Variants in GALNTL6 observed in about 807,000 individuals in gnomAD.
The protein encoded by GALNTL6 is polypeptide N-acetylgalactosaminyltransferase-like 6.
GALNTL6 carries 46 observed loss-of-function variants against 73.7 expected under a neutral mutation model. The observed-to-expected ratio is 0.62, with a 90% CI of 0.49 to 0.80. The LOEUF (loss-of-function observed/expected upper bound fraction) is 0.80, where lower values mean the gene tolerates loss of function less well. Among genes scored for constraint, GALNTL6 ranks in the 30% least tolerant of loss-of-function variants. GALNTL6 has a pLI of 0.00. For synonymous variants in GALNTL6, 259 were observed against 263.7 expected (o/e 0.98, Z 0.17); for missense variants, 604 against 755.0 (o/e 0.80, Z 2.34).
intron 2 of GALNTL6, among the ~76,000 whole-genome samples, chr4:172,130,657 G>T (rs566448258): frequency 4.7e-4 from 71 of 152,064 alleles, no homozygotes; most frequent in African/African-American, 1.5e-3. Context: ...GGTGTAAATT[G>T]TGCCATTTGT....
intron 5 of GALNTL6, among the ~76,000 whole-genome samples, chr4:172,783,019 T>G (rs570061959): frequency 6.6e-6 from 1 of 152,030 alleles, no homozygotes; most frequent in Admixed American, 6.5e-5. Flanking sequence ...TCAGCTAAAG[T>G]GTGTCTTATT....
At chr4:173,003,975 C>G (rs1579768643) in intron 10 of GALNTL6, among the ~76,000 whole-genome samples, 1 of 152,156 alleles carries the variant, frequency 6.6e-6, no homozygotes, top group Admixed American at 6.5e-5. Flanking sequence ...TTTTCTTAGT[C>G]TTTGAATTTC....
At chr4:171,991,898 CTG>C (rs1266764676) in intron 2 of GALNTL6, among the ~76,000 whole-genome samples, 1 of 151,372 alleles carries the variant, frequency 6.6e-6, no homozygotes, top group African/African-American at 2.4e-5. Context: ...CAATAAGTAA[CTG>C]TGTAATTGTC....
chr4:172,616,882 G>T (rs1178825304), intron 5 of GALNTL6, among the ~76,000 whole-genome samples: 1 of 152,016 alleles, frequency 6.6e-6, no homozygotes, highest in Non-Finnish European at 1.5e-5. Flanking sequence ...CACACACCCT[G>T]CCATAAAATC....
chr4:172,817,853 A>C (rs904520801), intron 7 of GALNTL6, among the ~76,000 whole-genome samples: 9 of 152,220 alleles, frequency 5.9e-5, no homozygotes, highest in African/African-American at 2.2e-4. Context: ...TATTGACAGA[A>C]ATGTTTTCCC....
At chr4:171,828,912 G>A (rs139440876) in intron 2 of GALNTL6, among the ~76,000 whole-genome samples, 34 of 152,178 alleles carry the variant, frequency 2.2e-4, no homozygotes, top group African/African-American at 6.5e-4. Flanking sequence ...TGGAATTACA[G>A]GTGTGAACCA....
At chr4:172,855,843 C>A (rs1467196280) in intron 7 of GALNTL6, among the ~76,000 whole-genome samples, 1 of 152,196 alleles carries the variant, frequency 6.6e-6, no homozygotes, top group Admixed American at 6.5e-5. Context: ...TGCTAAAGTG[C>A]CTCTCTTCTT....
intron 5 of GALNTL6, among the ~76,000 whole-genome samples, chr4:172,714,509 G>C (rs916467397): frequency 6.6e-6 from 1 of 152,028 alleles, no homozygotes; most frequent in Non-Finnish European, 1.5e-5. Context: ...CATTAATAGT[G>C]GTTGAACATG....
chr4:172,487,324 T>TTCTC (rs1733717832), intron 5 of GALNTL6, among the ~76,000 whole-genome samples: 1 of 123,486 alleles, frequency 8.1e-6, no homozygotes, highest in Non-Finnish European at 1.9e-5. Context: ...CTTTCTTTCT[T>TTCTC]TCTTTCTTTC....
intron 8 of GALNTL6, among the ~76,000 whole-genome samples, chr4:172,917,283 A>G (rs532888500): frequency 1.3e-5 from 2 of 152,276 alleles, no homozygotes; most frequent in South Asian, 2.1e-4. Flanking sequence ...TAGACCTAAA[A>G]CCATAAAAAC....
intron 5 of GALNTL6, among the ~76,000 whole-genome samples, chr4:172,435,340 C>T (rs751958547): frequency 6.6e-5 from 10 of 152,112 alleles, no homozygotes; most frequent in Admixed American, 1.3e-4. Context: ...AAAAATAAAA[C>T]CATTTCCTGG....
chr4:172,651,110 A>G (rs1319119822), intron 5 of GALNTL6, among the ~76,000 whole-genome samples: 1 of 152,184 alleles, frequency 6.6e-6, no homozygotes, highest in Non-Finnish European at 1.5e-5. Flanking sequence ...TGTACACCAC[A>G]CTGTCTTATT....
chr4:172,971,513 A>C (rs999043863), intron 10 of GALNTL6, among the ~76,000 whole-genome samples: 6 of 152,316 alleles, frequency 3.9e-5, no homozygotes, highest in African/African-American at 1.4e-4. Context: ...GAAATAATAC[A>C]AGTAACAAGT....
intron 2 of GALNTL6, among the ~76,000 whole-genome samples, chr4:172,126,039 CTTCTT>C (rs146902337): frequency 0.028 from 4,306 of 152,088 alleles, 183 homozygotes; most frequent in African/African-American, 0.097. Flanking sequence ...CACTTAAAAA[CTTCTT>C]TTCTAGTGAA....
chr4:172,450,981 G>A (rs1579082986), intron 5 of GALNTL6, among the ~76,000 whole-genome samples: 1 of 152,134 alleles, frequency 6.6e-6, no homozygotes, highest in Admixed American at 6.5e-5. Flanking sequence ...CTTTGCCTAT[G>A]ATAATGTGTG....
intron 5 of GALNTL6, among the ~76,000 whole-genome samples, chr4:172,691,829 A>G (rs1733318446): frequency 6.6e-6 from 1 of 152,374 alleles, no homozygotes; most frequent in African/African-American, 2.4e-5. Context: ...AGACAGAATT[A>G]TAGCAGAAGC....
At chr4:172,643,940 T>G (rs959604458) in intron 5 of GALNTL6, among the ~76,000 whole-genome samples, 1 of 152,092 alleles carries the variant, frequency 6.6e-6, no homozygotes, top group Non-Finnish European at 1.5e-5. Context: ...TGAAGTATGC[T>G]TATGTTCAAT....
chr4:172,106,949 C>A (rs766341935), intron 2 of GALNTL6, among the ~76,000 whole-genome samples: 5 of 152,206 alleles, frequency 3.3e-5, no homozygotes, highest in Non-Finnish European at 7.3e-5. Context: ...TCTTGGCTCA[C>A]CGCAACCTTT....
intron 2 of GALNTL6, among the ~76,000 whole-genome samples, chr4:171,918,860 C>A (rs1266215768): frequency 6.6e-6 from 1 of 152,020 alleles, no homozygotes; most frequent in Non-Finnish European, 1.5e-5. Context: ...AACTTGAGGA[C>A]ATATGCTAAA....
Sources: gnomAD v4.1 joint callset for allele counts (sites outside exome capture counted in the v4.1 genomes callset) on GRCh38, gnomAD v4.1.1 for gene constraint, MANE v1.5 for transcripts, NCBI Gene and HGNC (gene_info 2026-07-23, HGNC 2026-07-21) for gene names.